STK24: variants seen among roughly 807,000 people sequenced by gnomAD.
STK24 encodes serine/threonine kinase 24.
STK24 carries 21 observed loss-of-function variants against 55.6 expected under a neutral mutation model. The ratio of observed to expected loss-of-function variants is 0.38; its 90% confidence interval spans 0.27 to 0.54. STK24 has a LOEUF of 0.54. STK24 is among the 20% of genes least tolerant of loss of function. The probability of loss-of-function intolerance (pLI) is 0.79; values close to 1 mark genes in which losing one functional copy is unlikely to be tolerated. For synonymous variants in STK24, 200 were observed against 215.2 expected (o/e 0.93, Z 0.62); for missense variants, 383 against 538.4 (o/e 0.71, Z 2.86).
intron 1 of STK24, among the ~76,000 whole-genome samples, chr13:98,549,862 C>G (rs1226974553): frequency 6.6e-6 from 1 of 152,216 alleles, no homozygotes; most frequent in Non-Finnish European, 1.5e-5. Flanking sequence ...CACCTCGAAA[C>G]ACAATTGCAC....
chr13:98,464,388 C>T (rs1244045595), intron 6 of STK24, among the ~76,000 whole-genome samples: 1 of 151,690 alleles, frequency 6.6e-6, no homozygotes, highest in African/African-American at 2.4e-5. Context: ...CACTGCACTC[C>T]AGCCTGGGCG....
At chr13:98,559,440 C>T (rs1897359704) in intron 1 of STK24, among the ~76,000 whole-genome samples, 1 of 152,168 alleles carries the variant, frequency 6.6e-6, no homozygotes, top group African/African-American at 2.4e-5. Context: ...TCTTCTTTTG[C>T]CTTCCGCCAT....
At chr13:98,550,730 A>C (rs188023164) in intron 1 of STK24, among the ~76,000 whole-genome samples, 1 of 152,316 alleles carries the variant, frequency 6.6e-6, no homozygotes, top group East Asian at 1.9e-4. Flanking sequence ...AGGTAAAAAA[A>C]TACTCATTTG....
chr13:98,567,028 T>C (rs1298665143), intron 1 of STK24, among the ~76,000 whole-genome samples: 1 of 152,204 alleles, frequency 6.6e-6, no homozygotes, highest in South Asian at 2.1e-4. Flanking sequence ...GTTTTTCATT[T>C]CTACTCAATG....
intron 2 of STK24, among the ~76,000 whole-genome samples, chr13:98,490,422 T>C (rs1894976223): frequency 6.6e-6 from 1 of 152,180 alleles, no homozygotes; most frequent in South Asian, 2.1e-4. Context: ...TTATTATCTT[T>C]AGTTAATAAG....
intron 1 of STK24, among the ~76,000 whole-genome samples, chr13:98,529,305 C>A (rs1896517644): frequency 6.6e-6 from 1 of 152,204 alleles, no homozygotes; most frequent in South Asian, 2.1e-4. Context: ...CGAAGCGTCT[C>A]TCCATCCAGC....
At chr13:98,485,398 A>G (rs1894766710) in intron 2 of STK24, among the ~76,000 whole-genome samples, 1 of 152,148 alleles carries the variant, frequency 6.6e-6, no homozygotes, top group Non-Finnish European at 1.5e-5. Context: ...TGGGGGCCAC[A>G]AGATCAGATG....
chr13:98,504,024 G>A (rs1391161999), intron 2 of STK24, among the ~76,000 whole-genome samples: 1 of 152,196 alleles, frequency 6.6e-6, no homozygotes, highest in Non-Finnish European at 1.5e-5. Flanking sequence ...GAAGTCTATG[G>A]AGAAGACAGA....
intron 2 of STK24, among the ~76,000 whole-genome samples, chr13:98,492,054 C>T (rs1895055980): frequency 6.8e-6 from 1 of 147,632 alleles, no homozygotes; most frequent in Non-Finnish European, 1.5e-5. Context: ...TAGATCAATT[C>T]ACCTCCTTTA....
At chr13:98,474,662 G>A (rs1894295458) in intron 5 of STK24, among the ~76,000 whole-genome samples, 159 bp downstream of exon 5, 1 of 152,192 alleles carries the variant, frequency 6.6e-6, no homozygotes, top group African/African-American at 2.4e-5. Flanking sequence ...AGGAGACAGA[G>A]GAGAAAACTG....
At chr13:98,575,292 T>C (rs1311081729) in intron 1 of STK24, among the ~76,000 whole-genome samples, 1 of 152,122 alleles carries the variant, frequency 6.6e-6, no homozygotes, top group East Asian at 1.9e-4. Context: ...CAAAAGAATA[T>C]TCTTCAAGCA....
chr13:98,530,772 A>AAC (rs1422547578), intron 1 of STK24, among the ~76,000 whole-genome samples: 1 of 152,194 alleles, frequency 6.6e-6, no homozygotes, highest in Non-Finnish European at 1.5e-5. Context: ...CAACGTGGTG[A>AAC]ACTGCCACCA....
chr13:98,476,246 C>CG (rs1555303366), intron 3 of STK24, among the ~76,000 whole-genome samples: 1 of 138,892 alleles, frequency 7.2e-6, no homozygotes, highest in Non-Finnish European at 1.5e-5. Context: ...GGAAGCCCCC[C>CG]CCCGCCCCCT....
intron 1 of STK24, among the ~76,000 whole-genome samples, chr13:98,523,727 A>G (rs1896337213): frequency 6.6e-6 from 1 of 152,210 alleles, no homozygotes; most frequent in African/African-American, 2.4e-5. Context: ...GAGCCCAGAA[A>G]AGGCCAGCAA....
chr13:98,475,903 C>T (rs1038056424), intron 3 of STK24, among the ~76,000 whole-genome samples: 15 of 152,210 alleles, frequency 9.9e-5, no homozygotes, highest in African/African-American at 3.6e-4. Flanking sequence ...GCCTAGGAGC[C>T]AGGCGCCTCT....
chr13:98,572,470 A>C (rs1247082650), intron 1 of STK24, among the ~76,000 whole-genome samples: 1 of 152,182 alleles, frequency 6.6e-6, no homozygotes, highest in Non-Finnish European at 1.5e-5. Context: ...AAGAAAAAAA[A>C]GTACAAGAGC....
In STK24 at chr13:98,446,570, T is replaced by A; in HGVS notation, c.*6603A>T. 2.3e-6 allele frequency: 3 copies of A among 1,330,156 alleles called. No homozygotes were observed. The highest frequency in any genetic ancestry group is 3.2e-6 in the Non-Finnish European group (3 of 942,488). 82.4% of individuals were successfully genotyped at this position (1,330,156 alleles called of 1,614,324 possible). A position where few individuals can be genotyped will look rare whatever the true frequency, so the allele number is the denominator to read the frequency against. ...GCCCACGCCCGAGGAGGGAGCTGCC[T>A]GGGCTCCCAAGTCCCTGTCTGATGC... On this transcript the variant is annotated 3_prime_UTR_variant, in exon 11 of 11. Transcript: ENST00000539966.
intron 1 of STK24, among the ~76,000 whole-genome samples, chr13:98,554,521 C>T (rs186668690): frequency 1.2e-4 from 19 of 152,274 alleles, no homozygotes; most frequent in African/African-American, 4.1e-4. Flanking sequence ...AAATCCCTTT[C>T]CCCATTAAAC....
Position 98,449,544 on chromosome 13 carries a change from G to A in STK24, c.*3629C>T, listed in dbSNP as rs191318853. ...CCAATTCAACCCCATTCTTTCCAGCGCCCCGCACCATAGCACCTGCCCACC... is the reference window on the plus strand; with the variant it reads ...CCAATTCAACCCCATTCTTTCCAGCACCCCGCACCATAGCACCTGCCCACC... On this transcript the variant is annotated 3_prime_UTR_variant, in exon 11 of 11. Transcript: ENST00000539966. The A allele has an allele frequency of 9.2e-5, 14 of 152,542 alleles. No individual in the cohort carries two copies. Among genetic ancestry groups the A allele is most frequent in the East Asian group, 3.9e-4 (2 of 5,158 alleles). 9.4% of individuals were successfully genotyped at this position (152,542 alleles called of 1,614,324 possible).
Sources: allele counts gnomAD v4.1 joint callset (sites outside exome capture counted in the v4.1 genomes callset), GRCh38; gene constraint gnomAD v4.1.1; transcripts MANE v1.5; gene names NCBI Gene and HGNC (gene_info 2026-07-23, HGNC 2026-07-21).